NRXN3: variants seen among roughly 807,000 people sequenced by gnomAD.
NRXN3 encodes the protein neurexin 3, also known as neurexin III.
In NRXN3, 32 loss-of-function variants were observed where a neutral mutation model predicts 137.6. That is an observed-to-expected ratio of 0.23 (90% confidence interval 0.18 to 0.31). NRXN3 has a LOEUF of 0.31. Ranked by LOEUF, NRXN3 falls within the 10% of genes least tolerant of loss-of-function variation. The pLI is 1.00. For missense variants in NRXN3, 1,574 were observed against 2,062.5 expected (o/e 0.76, Z 4.59); for synonymous variants, 798 against 784.5 (o/e 1.02, Z -0.29).
In NRXN3 at chr14:78,966,078, A is replaced by T; in HGVS notation, c.2449A>T (p.Ile817Phe). The T allele has an allele frequency of 6.2e-7, 1 of 1,614,214 alleles. No individual in the cohort carries two copies. The highest frequency in any genetic ancestry group is 8.5e-7 in the Non-Finnish European group (1 of 1,180,032). The change falls in exon 12 of 21, where the codon ATC (isoleucine) becomes TTC (phenylalanine). Residue 817 changes from isoleucine (I) to phenylalanine (F), a missense_variant. Physicochemically the swap from Ile to Phe is conservative, Grantham distance 21 (BLOSUM62 0). Around this residue, in one of 5 missense-constraint regions of NRXN3, gnomAD observed 718 missense variants for 887.6 expected, o/e 0.81. Coordinates refer to ENST00000335750, the MANE Select transcript of NRXN3 (RefSeq NM_001330195.2). ...RLEFHNIETG[I>F]MTEKRYISVV... is the part of the protein sequence containing the mutation. ...GGAGTTCCACAACATTGAAACGGGA[A>T]TCATGACTGAGAAACGCTACATCTC...
intron 4 of NRXN3, among the ~76,000 whole-genome samples, chr14:78,546,680 G>C (rs1279092869): frequency 2.0e-5 from 3 of 151,958 alleles, no homozygotes; most frequent in Non-Finnish European, 4.4e-5. Flanking sequence ...AGATGCTAGA[G>C]GTCCATGTTT....
At chr14:79,276,262 G>T (rs1038183616) in intron 15 of NRXN3, among the ~76,000 whole-genome samples, 2 of 152,142 alleles carry the variant, frequency 1.3e-5, no homozygotes, top group African/African-American at 4.8e-5. Context: ...GTCGAAATAG[G>T]AATGTGTTAA....
chr14:78,963,759 A>G (rs1431378904), intron 11 of NRXN3, among the ~76,000 whole-genome samples: 1 of 152,176 alleles, frequency 6.6e-6, no homozygotes, highest in East Asian at 1.9e-4. Context: ...ATGTAAATCT[A>G]ATTTTTGTGC....
chr14:78,381,481 T>C (rs2089101292), intron 4 of NRXN3, among the ~76,000 whole-genome samples: 1 of 152,198 alleles, frequency 6.6e-6, no homozygotes, highest in Non-Finnish European at 1.5e-5. Flanking sequence ...GCTGGTGATA[T>C]GTGAAATGGT....
At chr14:78,703,947 T>C (rs1191474795) in intron 6 of NRXN3, 1 of 152,250 alleles carries the variant, frequency 6.6e-6, no homozygotes, top group African/African-American at 2.4e-5. Flanking sequence ...ATCTGGGCAC[T>C]CCAGGGCACA....
At position 79,096,680 on chromosome 14, in the gene NRXN3, C is replaced by T. The variant is rs184210668; in HGVS notation, c.3262+108539C>T. Among the ~76,000 whole-genome samples the T allele has an allele frequency of 1.4e-3, 212 of 152,234 alleles. 1 individual carries two copies. Among genetic ancestry groups the T allele is most frequent in the Middle Eastern group, 3.4e-3 (1 of 294 alleles). On this transcript the variant is annotated intron_variant, in intron 15 of 20. Transcript: ENST00000335750. ...TCACCAGCATTCTCTGTGACCCAAT[C>T]GCCAGAGCTCTGATACTTATTCCAG...
chr14:79,394,270 T>C (rs2094947460), intron 15 of NRXN3, among the ~76,000 whole-genome samples: 2 of 152,194 alleles, frequency 1.3e-5, no homozygotes, highest in African/African-American at 4.8e-5. Context: ...ACAATGATGA[T>C]AATAATAACA....
intron 16 of NRXN3, among the ~76,000 whole-genome samples, chr14:79,613,808 A>G (rs1024089404): frequency 6.6e-6 from 1 of 152,194 alleles, no homozygotes; most frequent in African/African-American, 2.4e-5. Flanking sequence ...GTCTAAGTCA[A>G]CCTTTCATTT....
At chr14:78,906,927 G>T (rs1055198388) in intron 10 of NRXN3, among the ~76,000 whole-genome samples, 1 of 151,860 alleles carries the variant, frequency 6.6e-6, no homozygotes. Flanking sequence ...CTCATTTCTG[G>T]AGCAATAACT....
intron 15 of NRXN3, among the ~76,000 whole-genome samples, chr14:79,440,209 G>A (rs1458970848): frequency 6.6e-6 from 1 of 152,328 alleles, no homozygotes; most frequent in Admixed American, 6.5e-5. Flanking sequence ...TTGGTGTAAT[G>A]GTTAAGAGCC....
At chr14:79,630,301 C>T (rs1040445514) in intron 16 of NRXN3, among the ~76,000 whole-genome samples, 1 of 152,128 alleles carries the variant, frequency 6.6e-6, no homozygotes, top group African/African-American at 2.4e-5. Context: ...CAACTTTGAG[C>T]CTGTTCATTT....
chr14:78,523,977 T>C (rs1216272083), intron 4 of NRXN3, among the ~76,000 whole-genome samples: 1 of 152,186 alleles, frequency 6.6e-6, no homozygotes, highest in Non-Finnish European at 1.5e-5. Context: ...GTCCTTTCAC[T>C]ACAAAACAGC....
intron 16 of NRXN3, among the ~76,000 whole-genome samples, chr14:79,527,129 A>C (rs2097127504): frequency 3.3e-5 from 5 of 151,932 alleles, no homozygotes; most frequent in Admixed American, 2.6e-4. Context: ...CCCCGTCTCT[A>C]CTAAAAATAC....
intron 4 of NRXN3, among the ~76,000 whole-genome samples, chr14:78,611,090 A>G (rs1601330719): frequency 6.6e-6 from 1 of 152,140 alleles, no homozygotes; most frequent in East Asian, 1.9e-4. Flanking sequence ...CTTTCCTGGC[A>G]GGTTCACCAA....
At chr14:78,904,061 A>G (rs2099206758) in intron 10 of NRXN3, among the ~76,000 whole-genome samples, 1 of 152,024 alleles carries the variant, frequency 6.6e-6, no homozygotes, top group South Asian at 2.1e-4. Context: ...AATTATGTCT[A>G]TTTGCAGATG....
At chr14:78,999,386 AATATGCATGATG>A (rs1335112446) in intron 15 of NRXN3, among the ~76,000 whole-genome samples, 2 of 152,196 alleles carry the variant, frequency 1.3e-5, no homozygotes, top group African/African-American at 2.4e-5. Context: ...CTTGTTTCAG[AATATGCATGATG>A]TCAGGCACAT....
chr14:79,546,105 G>A (rs2097317076), intron 16 of NRXN3, among the ~76,000 whole-genome samples: 1 of 152,134 alleles, frequency 6.6e-6, no homozygotes, highest in Non-Finnish European at 1.5e-5. Flanking sequence ...TGCCATGATT[G>A]TGAGGCCTCC....
intron 16 of NRXN3, among the ~76,000 whole-genome samples, chr14:79,609,876 C>T (rs185112115): frequency 1.4e-4 from 21 of 151,962 alleles, no homozygotes; most frequent in Non-Finnish European, 2.8e-4. Flanking sequence ...TGTGGTCTCA[C>T]TCATAAGTGG....
At chr14:79,567,767 C>T (rs1182371745) in intron 16 of NRXN3, among the ~76,000 whole-genome samples, 2 of 151,992 alleles carry the variant, frequency 1.3e-5, no homozygotes, top group Non-Finnish European at 2.9e-5. Context: ...TTTTTAACTG[C>T]GTGGGCTGGA....
Sources: gnomAD v4.1 joint callset for allele counts (sites outside exome capture counted in the v4.1 genomes callset) on GRCh38, gnomAD v4.1.1 for gene constraint, gnomAD v4.1.1 regional missense constraint, MANE v1.5 for transcripts, NCBI Gene and HGNC (gene_info 2026-07-23, HGNC 2026-07-21) for gene names.